Variants in SLC5A4 observed in about 807,000 individuals in gnomAD.
The protein encoded by SLC5A4 is solute carrier family 5 member 4, also known as probable glucose sensor protein SLC5A4.
SLC5A4 carries 55 observed loss-of-function variants against 70.3 expected under a neutral mutation model. The ratio of observed to expected loss-of-function variants is 0.78; its 90% confidence interval spans 0.63 to 0.98. The LOEUF is 0.98. Ranked by LOEUF, SLC5A4 falls within the 50% of genes least tolerant of loss-of-function variation. The probability of loss-of-function intolerance (pLI) is 0.00; values close to 1 mark genes in which losing one functional copy is unlikely to be tolerated. For missense variants in SLC5A4, 735 were observed against 839.2 expected (o/e 0.88, Z 1.53); for synonymous variants, 268 against 305.7 (o/e 0.88, Z 1.29).
At chr22:32,350,510 T>G in the SLC5A4 span, among the ~76,000 whole-genome samples, 4 of 152,210 alleles carry the variant, frequency 2.6e-5, no homozygotes, top group Admixed American at 2.6e-4. Context: ...TATCTCAAAT[T>G]GTATTAATAT....
At chr22:32,295,489 C>T in the SLC5A4 span, among the ~76,000 whole-genome samples, 22 of 110,188 alleles carry the variant, frequency 2.0e-4, 6 homozygotes, top group African/African-American at 4.9e-4. Context: ...TCATGTCCTT[C>T]GCCCACTTTT....
chr22:32,331,849 C>T, the SLC5A4 span, among the ~76,000 whole-genome samples: 9 of 152,036 alleles, frequency 5.9e-5, no homozygotes, highest in Non-Finnish European at 8.8e-5. Flanking sequence ...CCTCCTGCCA[C>T]GGGTGGGGGC....
the SLC5A4 span, among the ~76,000 whole-genome samples, chr22:32,342,002 C>A: frequency 6.6e-6 from 1 of 152,176 alleles, no homozygotes; most frequent in Non-Finnish European, 1.5e-5. Context: ...ATTTTATTTT[C>A]TTTGTCTCCC....
chr22:32,247,559 C>T (rs1311385836), intron 4 of SLC5A4, 44 bp from the exon 5 acceptor site: 2 of 1,242,678 alleles, frequency 1.6e-6, no homozygotes, highest in East Asian at 2.3e-5. Flanking sequence ...ACCCTTAGGG[C>T]CCTGTGCGTT....
the SLC5A4 span, among the ~76,000 whole-genome samples, chr22:32,294,664 G>C: frequency 0.19 from 21,350 of 110,636 alleles, 1,670 homozygotes; most frequent in Non-Finnish European, 0.23. Flanking sequence ...ATGGTGGTTG[G>C]CTTTTTCTTT....
intron 2 of SLC5A4, among the ~76,000 whole-genome samples, chr22:32,252,781 C>A (rs1603236849): frequency 6.6e-6 from 1 of 152,136 alleles, no homozygotes; most frequent in South Asian, 2.1e-4. Context: ...TCTCCATCCT[C>A]CCAGCCACAG....
chr22:32,322,836 A>G, the SLC5A4 span, among the ~76,000 whole-genome samples: 1 of 152,200 alleles, frequency 6.6e-6, no homozygotes, highest in East Asian at 1.9e-4. Context: ...TATGTACCAA[A>G]ATAGAGCAGA....
chr22:32,342,819 C>G, the SLC5A4 span, among the ~76,000 whole-genome samples: 96 of 152,246 alleles, frequency 6.3e-4, no homozygotes, highest in Non-Finnish European at 1.3e-3. Flanking sequence ...AAATTAGAGT[C>G]AAAAAATATT....
the SLC5A4 span, among the ~76,000 whole-genome samples, chr22:32,276,130 A>G: frequency 3.3e-5 from 5 of 152,380 alleles, no homozygotes; most frequent in South Asian, 1.0e-3. Context: ...TTCTATAAAT[A>G]GTATTACAGA....
chr22:32,308,202 A>C, the SLC5A4 span, among the ~76,000 whole-genome samples: 2 of 151,576 alleles, frequency 1.3e-5, no homozygotes, highest in Admixed American at 1.3e-4. Flanking sequence ...AAATCTGTAA[A>C]TTCACTTCTG....
the SLC5A4 span, among the ~76,000 whole-genome samples, chr22:32,353,625 A>T: frequency 6.6e-6 from 1 of 151,682 alleles, no homozygotes; most frequent in Non-Finnish European, 1.5e-5. Context: ...CCGGCAGTGT[A>T]GCCCCCAGAT....
the SLC5A4 span, among the ~76,000 whole-genome samples, chr22:32,331,533 T>G: frequency 2.0e-5 from 3 of 152,224 alleles, no homozygotes; most frequent in East Asian, 5.8e-4. Context: ...CACGGAAACT[T>G]TGTTTCCTTC....
the SLC5A4 span, chr22:32,268,294 G>GTC: frequency 7.9e-5 from 12 of 152,000 alleles, no homozygotes; most frequent in Admixed American, 7.9e-4. Flanking sequence ...ATAGAGAGTG[G>GTC]TCACGGCTGA....
In SLC5A4 at chr22:32,254,182, C is replaced by T. The variant is rs1171945407; in HGVS notation, c.167G>A (p.Gly56Glu). ...AMLKTNRGTI[G>E]GFFLAGRDMA... is the part of the protein sequence containing the mutation. ...ATCACGACCAGCGAGGAAGAAGCCT[C>T]CTATAGTACCTCGGTTGGTCTTCAG... Residue 56 changes from glycine to glutamate, a missense_variant, in exon 2 of 15, where the codon GGA (glycine) becomes GAA (glutamate). Gly to Glu is a moderately conservative substitution (Grantham distance 98). Coordinates refer to ENST00000266086, the MANE Select transcript of SLC5A4 (RefSeq NM_014227.3). 3 of 1,614,014 alleles carry T rather than the reference C, an allele frequency of 1.9e-6. No individual in the cohort carries two copies. Among genetic ancestry groups the T allele is most frequent in the Non-Finnish European group, 1.7e-6 (2 of 1,179,908 alleles).
the SLC5A4 span, chr22:32,270,624 C>T: frequency 1.4e-6 from 1 of 735,722 alleles, no homozygotes; most frequent in Admixed American, 1.8e-5. Flanking sequence ...GCCCCACGGT[C>T]TTTGCCGAAA....
the SLC5A4 span, among the ~76,000 whole-genome samples, chr22:32,316,399 G>A: frequency 6.6e-6 from 1 of 152,154 alleles, no homozygotes; most frequent in Non-Finnish European, 1.5e-5. Flanking sequence ...CTGTGTGAGG[G>A]TGAAGGATGA....
At chr22:32,260,257 A>G (rs900722913), upstream of SLC5A4, among the ~76,000 whole-genome samples, 1 of 150,302 alleles carries the variant, frequency 6.7e-6, no homozygotes, top group African/African-American at 2.5e-5. Context: ...CATTGGCTGC[A>G]GCAGAGGTGG....
the SLC5A4 span, among the ~76,000 whole-genome samples, chr22:32,311,440 G>A: frequency 7.9e-5 from 12 of 152,322 alleles, no homozygotes; most frequent in East Asian, 2.3e-3. Flanking sequence ...CTGGCAGCGT[G>A]GCCTTTGGAG....
the SLC5A4 span, among the ~76,000 whole-genome samples, chr22:32,347,587 C>G: frequency 6.6e-6 from 1 of 151,386 alleles, no homozygotes; most frequent in South Asian, 2.1e-4. Context: ...CCATCATTCT[C>G]AGCAAACTAT....
Sources: gnomAD v4.1 joint callset for allele counts (sites outside exome capture counted in the v4.1 genomes callset) on GRCh38, gnomAD v4.1.1 for gene constraint, MANE v1.5 for transcripts, NCBI Gene and HGNC (gene_info 2026-07-23, HGNC 2026-07-21) for gene names.